NRXN2: variants seen among roughly 807,000 people sequenced by gnomAD.
NRXN2 encodes the protein neurexin 2.
NRXN2 carries 29 observed loss-of-function variants against 128.8 expected under a neutral mutation model. The ratio of observed to expected loss-of-function variants is 0.23; its 90% CI spans 0.17 to 0.31. NRXN2 has a LOEUF of 0.31. NRXN2 is among the 10% of genes least tolerant of loss of function. NRXN2 has a pLI of 1.00. For missense variants in NRXN2, 1,881 were observed against 2,452.6 expected, an observed-to-expected ratio of 0.77 and a Z score of 4.92; for synonymous variants, 1,098 against 1,075.2, an observed-to-expected ratio of 1.02 and a Z score of -0.41.
rs1256803755 is a variant in NRXN2 at position 64,711,760 on chromosome 11, TTGGCCATCTC to T, written c.730+1200_730+1209del. On this transcript the variant is annotated intron_variant, in intron 2 of 22. Coordinates refer to ENST00000265459, the MANE Select transcript of NRXN2 (RefSeq NM_015080.4). ...CCCCGTCTGTCATCAAGAGAGACTA[TTGGCCATCTC>T]TGACCCTCACCCAAACTGTCCACTC... is the stretch of plus-strand genomic sequence containing the variant. Among the ~76,000 whole-genome samples the T allele has an allele frequency of 2.6e-5, 4 of 152,314 alleles. No homozygotes were observed. The East Asian group carries it at 7.7e-4, about 29-fold the overall frequency.
rs926415502 is a variant in NRXN2 at position 64,632,406 on chromosome 11, C to T, written c.3586-1833G>A. ...GCAAGCCCCACCCATTCACCACCCACAGACTGACAACATCCCCAGGGAGAC... is the reference window on the plus strand; with the variant it reads ...GCAAGCCCCACCCATTCACCACCCATAGACTGACAACATCCCCAGGGAGAC... On this transcript the variant is annotated intron_variant, in intron 18 of 22. Coordinates refer to ENST00000265459, the MANE Select transcript of NRXN2 (RefSeq NM_015080.4). This position sits in a 1 kb window ranked among gnomAD's most constrained non-coding sequence, Gnocchi z 4.2. Among the ~76,000 whole-genome samples the T allele has an allele frequency of 5.3e-5, 8 of 152,348 alleles. No homozygotes were observed. Among genetic ancestry groups the T allele is most frequent in the South Asian group, 2.1e-4 (1 of 4,828 alleles).
intron 17 of NRXN2, among the ~76,000 whole-genome samples, chr11:64,640,844 C>T (rs1009763063): frequency 2.0e-5 from 3 of 151,880 alleles, no homozygotes; most frequent in Non-Finnish European, 2.9e-5. Flanking sequence ...GGAGGTGATA[C>T]AGGGGCAGGA....
intron 17 of NRXN2, among the ~76,000 whole-genome samples, chr11:64,640,484 G>A (rs574848048): frequency 5.3e-4 from 81 of 152,214 alleles, no homozygotes; most frequent in African/African-American, 1.6e-3. Context: ...ACCTTTGGGG[G>A]CAACACTGGG....
At chr11:64,720,402 G>C (rs552715620) in intron 1 of NRXN2, among the ~76,000 whole-genome samples, 1 of 152,204 alleles carries the variant, frequency 6.6e-6, no homozygotes, top group Non-Finnish European at 1.5e-5. Context: ...TGGGAGCTGC[G>C]AATGAAAGGA....
In NRXN2 at chr11:64,607,822, G is replaced by A. The variant is rs982147895; in HGVS notation, c.4513C>T (p.Leu1505Phe). Residue 1505 changes from leucine (L) to phenylalanine (F), a missense_variant, in exon 23 of 23, where the codon CTC becomes TTC. Transcript: ENST00000265459. ...AAGTCCTCGTCGTCCGTGGGGGGGAGGCTGGAGTCAAAGACCTCCCCGGAG... is the reference window on the plus strand; with the variant it reads ...AAGTCCTCGTCGTCCGTGGGGGGGAAGCTGGAGTCAAAGACCTCCCCGGAG... ...FASGEVFDSS[L>F]PPTDDEDFYT... The A allele has an allele frequency of 6.2e-7, 1 of 1,602,280 alleles. No homozygotes were observed. Among genetic ancestry groups the A allele is most frequent in the Non-Finnish European group, 8.5e-7 (1 of 1,175,010 alleles).
intron 4 of NRXN2, among the ~76,000 whole-genome samples, chr11:64,690,899 T>C (rs2053718714): frequency 1.3e-5 from 2 of 152,162 alleles, no homozygotes; most frequent in Non-Finnish European, 2.9e-5. Flanking sequence ...TCTGCACCTT[T>C]GCTCACACCC....
chr11:64,616,959 T>C (rs761946829), intron 22 of NRXN2, among the ~76,000 whole-genome samples: 1 of 151,942 alleles, frequency 6.6e-6, no homozygotes, highest in Non-Finnish European at 1.5e-5. Flanking sequence ...CATGCAAGAG[T>C]TGGTAGCTCT....
chr11:64,615,374 G>T (rs1484188245), intron 22 of NRXN2, among the ~76,000 whole-genome samples: 1 of 152,250 alleles, frequency 6.6e-6, no homozygotes, highest in Non-Finnish European at 1.5e-5. Flanking sequence ...AATAGATGTT[G>T]TCTATTATAG....
chr11:64,673,971 G>C (rs752482622), intron 7 of NRXN2, among the ~76,000 whole-genome samples: 1 of 150,928 alleles, frequency 6.6e-6, no homozygotes, highest in Non-Finnish European at 1.5e-5. Context: ...CCTGGAGGCA[G>C]AGGTTGCAGT....
At chr11:64,649,967 A>C (rs2047233404) in intron 15 of NRXN2, among the ~76,000 whole-genome samples, 1 of 151,944 alleles carries the variant, frequency 6.6e-6, no homozygotes. Flanking sequence ...CCCTGAGCAC[A>C]CCAGGGAAGC....
rs911451424 is a variant in NRXN2 at position 64,712,899 on chromosome 11, C to T, written c.730+71G>A. On this transcript the variant is annotated intron_variant, in intron 2 of 22. Transcript: ENST00000265459. ...GTGCCTCAGGAGCCCACACACACTC[C>T]GACCCCCACGAAGCGCCCCAGGCCC... 31 of 1,358,286 alleles carry T rather than the reference C, an allele frequency of 2.3e-5. No homozygotes were observed. The South Asian group carries it at 2.9e-4, about 13-fold the overall frequency. The allele number at this position is 1,358,286 out of a possible 1,614,324, so 84.1% of individuals were successfully genotyped here.
intron 8 of NRXN2, among the ~76,000 whole-genome samples, chr11:64,668,231 AGGATAGG>A (rs2050154401): frequency 2.0e-5 from 3 of 152,074 alleles, no homozygotes; most frequent in Non-Finnish European, 4.4e-5. Context: ...GTCCTCTATG[AGGATAGG>A]GGTTTCCAAG....
At chr11:64,624,181 A>T (rs542046681) in intron 20 of NRXN2, among the ~76,000 whole-genome samples, 4 of 152,248 alleles carry the variant, frequency 2.6e-5, no homozygotes, top group South Asian at 2.1e-4. Context: ...CTCGTTAAAG[A>T]TCTGGTTTAG....
At chr11:64,612,849 G>A (rs755113439) in intron 22 of NRXN2, among the ~76,000 whole-genome samples, 4 of 152,254 alleles carry the variant, frequency 2.6e-5, no homozygotes, top group Non-Finnish European at 4.4e-5. Flanking sequence ...AGTTCTATGC[G>A]GACGTGACCC....
rs2042609759 is a variant in NRXN2 at position 64,623,106 on chromosome 11, G to A, written c.3848-28C>T. The stretch of plus-strand genomic sequence containing the variant: ...TGCAGGAGTGGAAGGGGGTGACAGA[G>A]AAGGGGCAGGCAGTGAGGGGAGACC... On this transcript the variant is annotated intron_variant, in intron 20 of 22. Transcript: ENST00000265459. This position sits in a 1 kb window ranked among gnomAD's most constrained non-coding sequence, Gnocchi z 4.9. The A allele has an allele frequency of 6.3e-7, 1 of 1,581,382 alleles. No homozygotes were observed.
chr11:64,619,619 G>A (rs1190109676), intron 22 of NRXN2, among the ~76,000 whole-genome samples: 1 of 152,052 alleles, frequency 6.6e-6, no homozygotes, highest in Admixed American at 6.5e-5. Context: ...TCCTCCTACA[G>A]CAGCTCCCCC....
rs796803324 is a variant in NRXN2 at position 64,662,890 on chromosome 11, ACT to A, written c.1799-1753_1799-1752del. On this transcript the variant is annotated intron_variant, in intron 9 of 22. Transcript: ENST00000265459. ...GACATCCTAGTTAGAAAAAAAAAAG[ACT>A]CTGCCTAACTTCATGGGGTTAAAGA... 1.7e-3 allele frequency among the ~76,000 whole-genome samples: 254 copies of A among 151,744 alleles called. 2 individuals carry two copies. Among genetic ancestry groups the A allele is most frequent in the African/African-American group, 5.9e-3 (244 of 41,366 alleles).
At chr11:64,695,942 G>A (rs2054452502) in intron 3 of NRXN2, among the ~76,000 whole-genome samples, 1 of 151,780 alleles carries the variant, frequency 6.6e-6, no homozygotes, top group Non-Finnish European at 1.5e-5. Flanking sequence ...ACTCCCACCA[G>A]ACTCCTTCTT....
intron 1 of NRXN2, among the ~76,000 whole-genome samples, chr11:64,720,519 G>C (rs1205820836): frequency 6.6e-6 from 1 of 152,178 alleles, no homozygotes; most frequent in East Asian, 1.9e-4. Context: ...ACCAGGTGTA[G>C]GTGGGGGCTG....
Sources: gnomAD v4.1 joint callset for allele counts (sites outside exome capture counted in the v4.1 genomes callset) on GRCh38, gnomAD v4.1.1 for gene constraint, Gnocchi (gnomAD v3.1) non-coding constraint, MANE v1.5 for transcripts, NCBI Gene and HGNC (gene_info 2026-07-23, HGNC 2026-07-21) for gene names.